SLC2A13: variants seen among roughly 807,000 people sequenced by gnomAD.
SLC2A13 encodes the protein solute carrier family 2 member 13.
A neutral mutation model predicts 64.4 loss-of-function variants in SLC2A13; 32 were observed. The observed-to-expected ratio is 0.50, with a 90% confidence interval of 0.37 to 0.67. The LOEUF (loss-of-function observed/expected upper bound fraction) is 0.67, where lower values mean the gene tolerates loss of function less well. Ranked by LOEUF, SLC2A13 falls within the 30% of genes least tolerant of loss-of-function variation. The pLI, the probability that SLC2A13 is intolerant of heterozygous loss-of-function variation, is 0.00. For missense variants in SLC2A13, 743 were observed against 829.2 expected, an observed-to-expected ratio of 0.90 and a Z score of 1.28; for synonymous variants, 338 against 327.1, an observed-to-expected ratio of 1.03 and a Z score of -0.36.
intron 3 of SLC2A13, among the ~76,000 whole-genome samples, chr12:39,981,347 A>G (rs1192075212): frequency 6.6e-6 from 1 of 152,236 alleles, no homozygotes; most frequent in East Asian, 1.9e-4. Context: ...AAGGAAATAG[A>G]GACACACAAA....
At chr12:39,935,357 G>T (rs1297994151) in intron 4 of SLC2A13, among the ~76,000 whole-genome samples, 1 of 152,164 alleles carries the variant, frequency 6.6e-6, no homozygotes, top group East Asian at 1.9e-4. Context: ...CAACATTTTT[G>T]AAAGATCCTC....
chr12:40,006,516 T>C (rs28370651), intron 3 of SLC2A13, among the ~76,000 whole-genome samples: 4 of 152,328 alleles, frequency 2.6e-5, no homozygotes, highest in Non-Finnish European at 4.4e-5. Flanking sequence ...GTAAGCTTAT[T>C]AGTAAGAAAA....
At chr12:40,033,794 T>C (rs887492750) in intron 2 of SLC2A13, among the ~76,000 whole-genome samples, 2 of 152,188 alleles carry the variant, frequency 1.3e-5, no homozygotes, top group Non-Finnish European at 2.9e-5. Context: ...AGCAAAAATA[T>C]TCGACTGCAA....
At chr12:40,083,651 G>C (rs977386378) in intron 1 of SLC2A13, among the ~76,000 whole-genome samples, 1 of 152,184 alleles carries the variant, frequency 6.6e-6, no homozygotes, top group African/African-American at 2.4e-5. Context: ...GGCTCACAAG[G>C]GTCCCTATTC....
chr12:40,027,673 A>AAGCT (rs1461368516), intron 3 of SLC2A13, among the ~76,000 whole-genome samples: 1 of 152,222 alleles, frequency 6.6e-6, no homozygotes, highest in Non-Finnish European at 1.5e-5. Flanking sequence ...AGGCAAAAGG[A>AAGCT]AGCGCAAGAG....
At chr12:39,924,591 A>G (rs564574326) in intron 4 of SLC2A13, among the ~76,000 whole-genome samples, 8 of 152,050 alleles carry the variant, frequency 5.3e-5, no homozygotes, top group Non-Finnish European at 1.0e-4. Flanking sequence ...TTTATCTACT[A>G]TAAATAATTC....
intron 2 of SLC2A13, among the ~76,000 whole-genome samples, chr12:40,045,734 A>C (rs1948161271): frequency 6.6e-6 from 1 of 152,220 alleles, no homozygotes; most frequent in Non-Finnish European, 1.5e-5. Context: ...ATCCCTAGGC[A>C]ATCCAGTATT....
At chr12:39,979,282 G>A (rs916469207) in intron 3 of SLC2A13, among the ~76,000 whole-genome samples, 16 of 143,110 alleles carry the variant, frequency 1.1e-4, no homozygotes, top group African/African-American at 3.9e-4. Flanking sequence ...TCCTCCAAAG[G>A]AACGCAGTTC....
chr12:39,865,003 C>G (rs1335382168), intron 5 of SLC2A13, 121 bp from the exon 6 acceptor site: 1 of 886,834 alleles, frequency 1.1e-6, no homozygotes, highest in Non-Finnish European at 1.6e-6. Flanking sequence ...AAAAAAAATA[C>G]CGTGCTCTAT....
chr12:39,782,824 T>C (rs1445569110), intron 7 of SLC2A13, among the ~76,000 whole-genome samples: 82 of 152,260 alleles, frequency 5.4e-4, no homozygotes, highest in Admixed American at 5.4e-3. Context: ...CAGAGGGAGA[T>C]GAGGAACTTG....
intron 4 of SLC2A13, among the ~76,000 whole-genome samples, chr12:39,902,060 G>T (rs1397866529): frequency 6.6e-6 from 1 of 151,916 alleles, no homozygotes; most frequent in East Asian, 1.9e-4. Context: ...GATGAAATTG[G>T]AAACCATCAT....
At chr12:40,047,392 C>T (rs943930741) in intron 2 of SLC2A13, among the ~76,000 whole-genome samples, 1 of 152,106 alleles carries the variant, frequency 6.6e-6, no homozygotes, top group Non-Finnish European at 1.5e-5. Flanking sequence ...ACCTCTAATG[C>T]CTTTTAATAA....
intron 6 of SLC2A13, among the ~76,000 whole-genome samples, chr12:39,837,794 C>T (rs991747784): frequency 1.1e-4 from 16 of 152,206 alleles, no homozygotes; most frequent in African/African-American, 2.2e-4. Flanking sequence ...CTCTGAGATA[C>T]CATCTCACAC....
At chr12:39,914,278 T>C (rs1437559924) in intron 4 of SLC2A13, among the ~76,000 whole-genome samples, 5 of 152,042 alleles carry the variant, frequency 3.3e-5, no homozygotes, top group Non-Finnish European at 5.9e-5. Flanking sequence ...AGGATTCTAC[T>C]GAGAAATTAA....
intron 6 of SLC2A13, among the ~76,000 whole-genome samples, chr12:39,849,086 C>A (rs1340041103): frequency 6.6e-6 from 1 of 152,002 alleles, no homozygotes; most frequent in Non-Finnish European, 1.5e-5. Context: ...AGCTTAATAC[C>A]TGGGAGATGT....
intron 7 of SLC2A13, among the ~76,000 whole-genome samples, chr12:39,782,752 G>GA (rs1220371299): frequency 6.6e-6 from 1 of 152,186 alleles, no homozygotes; most frequent in Non-Finnish European, 1.5e-5. Flanking sequence ...AAGACATGTT[G>GA]AATGGCTTTG....
intron 7 of SLC2A13, among the ~76,000 whole-genome samples, chr12:39,778,151 G>C (rs1030598405): frequency 1.3e-5 from 2 of 152,136 alleles, no homozygotes; most frequent in Non-Finnish European, 2.9e-5. Context: ...CACACCCTGC[G>C]AGGGGGACAA....
intron 3 of SLC2A13, among the ~76,000 whole-genome samples, chr12:40,003,149 CCAACA>C (rs1250210012): frequency 6.6e-6 from 1 of 152,076 alleles, no homozygotes; most frequent in African/African-American, 2.4e-5. Flanking sequence ...TACAGTTCAC[CCAACA>C]CAACTATGTA....
At chr12:40,024,951 T>A (rs1413933756) in intron 3 of SLC2A13, among the ~76,000 whole-genome samples, 1 of 152,212 alleles carries the variant, frequency 6.6e-6, no homozygotes, top group Non-Finnish European at 1.5e-5. Flanking sequence ...CATCTCCCTG[T>A]CTCCCACTCC....
Sources: gnomAD v4.1 joint callset for allele counts (sites outside exome capture counted in the v4.1 genomes callset) on GRCh38, gnomAD v4.1.1 for gene constraint, MANE v1.5 for transcripts, NCBI Gene and HGNC (gene_info 2026-07-23, HGNC 2026-07-21) for gene names.